The following TIAM2 variants were observed in gnomAD, a reference collection of about 807,000 sequenced individuals.
The protein encoded by TIAM2 is rho guanine nucleotide exchange factor TIAM2.
A neutral mutation model predicts 152.9 loss-of-function variants in TIAM2; 80 were observed. The ratio of observed to expected loss-of-function variants is 0.52; its 90% CI spans 0.44 to 0.63. The LOEUF is 0.63. Among genes scored for constraint, TIAM2 ranks in the 30% least tolerant of loss-of-function variants. The pLI is 0.00. For synonymous variants in TIAM2, 804 were observed against 838.0 expected, an observed-to-expected ratio of 0.96 and a Z score of 0.70; for missense variants, 1,965 against 2,120.1, an observed-to-expected ratio of 0.93 and a Z score of 1.44.
intron 1 of TIAM2, among the ~76,000 whole-genome samples, chr6:155,027,546 A>G (rs28837186): frequency 0.059 from 4,396 of 74,346 alleles, 345 homozygotes; most frequent in East Asian, 0.094. Flanking sequence ...TATAATATAT[A>G]TACTGTGTTA....
intron 1 of TIAM2, among the ~76,000 whole-genome samples, chr6:155,075,870 G>A (rs1010734218): frequency 6.6e-6 from 1 of 152,054 alleles, no homozygotes; most frequent in African/African-American, 2.4e-5. Flanking sequence ...TCCTTAATTC[G>A]TATGATTACC....
At position 155,214,990 on chromosome 6, in the gene TIAM2, C is replaced by T. The variant is rs1781817911; in HGVS notation, c.3168+3683C>T. Among the ~76,000 whole-genome samples the T allele has an allele frequency of 6.6e-6, 1 of 152,086 alleles. No individual in the cohort carries two copies. Among genetic ancestry groups the T allele is most frequent in the South Asian group, 2.1e-4 (1 of 4,822 alleles). ...AAATCCTCCTGAAACACTGATAGAGCAAGGCCATGTATTTAAAAGTTAAGT... is the reference window on the plus strand; with the variant it reads ...AAATCCTCCTGAAACACTGATAGAGTAAGGCCATGTATTTAAAAGTTAAGT... On this transcript the variant is annotated intron_variant, in intron 15 of 26. Coordinates refer to ENST00000682666, the MANE Select transcript of TIAM2 (RefSeq NM_012454.4). The surrounding 1 kb of genome is among the most constrained non-coding windows in gnomAD (Gnocchi z 5.4).
At chr6:155,206,188 T>C (rs1781589948) in intron 14 of TIAM2, among the ~76,000 whole-genome samples, 1 of 152,134 alleles carries the variant, frequency 6.6e-6, no homozygotes, top group South Asian at 2.1e-4. Flanking sequence ...TGTGCGGAAG[T>C]GTAGGGAGGC....
At chr6:155,253,167 C>T in intron 24 of TIAM2, 114 bp downstream of exon 24, 1 of 860,224 alleles carries the variant, frequency 1.2e-6, no homozygotes, top group South Asian at 1.6e-5. Flanking sequence ...ATTTTATAGA[C>T]AAGGAAAATG....
At chr6:155,071,179 A>G (rs960419280) in intron 1 of TIAM2, among the ~76,000 whole-genome samples, 1 of 119,128 alleles carries the variant, frequency 8.4e-6, no homozygotes, top group East Asian at 2.8e-4. Context: ...GTGTCAAAAA[A>G]AGAAAAAAAG....
intron 2 of TIAM2, among the ~76,000 whole-genome samples, chr6:155,096,732 A>G (rs1778426177): frequency 6.6e-6 from 1 of 151,808 alleles, no homozygotes; most frequent in Admixed American, 6.6e-5. Context: ...TATATACCAC[A>G]TTTTCTTGAC....
At position 155,254,010 on chromosome 6, in the gene TIAM2, GAA is replaced by G; in HGVS notation, c.4264_4265del (p.Lys1422ValfsTer17). ...NNSIWELIHT[K>X]SEIEGRPETI... ...ATTCCATATGGGAACTGATCCATACGAAGTCAGAAATAGAAGGACGGCCAGAA... is the reference window on the plus strand; with the variant it reads ...ATTCCATATGGGAACTGATCCATACGGTCAGAAATAGAAGGACGGCCAGAA... On this transcript the variant is annotated frameshift_variant, in exon 25 of 27. Coordinates refer to ENST00000682666, the MANE Select transcript of TIAM2 (RefSeq NM_012454.4). LOFTEE classifies it high-confidence loss of function. The G allele has an allele frequency of 1.9e-6, 3 of 1,614,090 alleles. No homozygotes were observed. Among genetic ancestry groups the G allele is most frequent in the Non-Finnish European group, 2.5e-6 (3 of 1,179,976 alleles).
In TIAM2 at chr6:155,137,587, G is replaced by A; in HGVS notation, c.1605G>A (p.Trp535Ter). The A allele has an allele frequency of 6.2e-7, 1 of 1,604,188 alleles. No homozygotes were observed. The highest frequency in any genetic ancestry group is 8.5e-7 in the Non-Finnish European group (1 of 1,178,642). The change falls in exon 5 of 27, where the codon TGG (tryptophan) becomes TGA (stop). Residue 535 changes from tryptophan to a stop codon, truncating the protein, a stop_gained. Transcript: ENST00000682666. LOFTEE classifies it high-confidence loss of function. ...TTGAGCTGGTGGCACGAAGGAAATG[G>A]AAACAGTACTGGGTAACGCTGAAAG... Reference protein sequence around the residue: ...RKLELVARRKWKQYWVTLKGC... With the variant: ...RKLELVARRK
chr6:155,139,962 AAC>A (rs1779653508), intron 5 of TIAM2, among the ~76,000 whole-genome samples: 1 of 151,844 alleles, frequency 6.6e-6, no homozygotes, highest in South Asian at 2.1e-4. Flanking sequence ...CAAACAAACA[AAC>A]CAAAACAAGT....
rs200982075 is a variant in TIAM2, at chr6:155,156,655, AAAAT to A, written c.2029-7740_2029-7737del. Among the ~76,000 whole-genome samples the A allele has an allele frequency of 3.3e-5, 5 of 152,124 alleles. No individual in the cohort carries two copies. The highest frequency in any genetic ancestry group is 1.9e-4 in the East Asian group (1 of 5,152). ...CCTGGGCAACAGAGTGATATGTCTC[AAAAT>A]AAATAAATAAATAAATAAAGTAAAA... On this transcript the variant is annotated intron_variant, in intron 7 of 26. Coordinates refer to ENST00000682666, the MANE Select transcript of TIAM2 (RefSeq NM_012454.4). This position sits in a 1 kb window ranked among gnomAD's most constrained non-coding sequence, Gnocchi z 4.4.
chr6:155,025,167 T>C (rs9480014), intron 1 of TIAM2, among the ~76,000 whole-genome samples: 30,853 of 150,246 alleles, frequency 0.21, 3,356 homozygotes, highest in Middle Eastern at 0.27. Flanking sequence ...GCTGGGATTA[T>C]AGGCACCACG....
chr6:155,102,609 G>T (rs1778576172), intron 2 of TIAM2, among the ~76,000 whole-genome samples: 1 of 152,064 alleles, frequency 6.6e-6, no homozygotes, highest in Non-Finnish European at 1.5e-5. Context: ...CTCTTCTCTG[G>T]ATAGGAACAG....
At chr6:155,069,693 C>T (rs1777790958) in intron 1 of TIAM2, among the ~76,000 whole-genome samples, 1 of 152,134 alleles carries the variant, frequency 6.6e-6, no homozygotes, top group South Asian at 2.1e-4. Context: ...TGCATAGCAG[C>T]TAAAATATAT....
intron 7 of TIAM2, among the ~76,000 whole-genome samples, chr6:155,163,668 C>T (rs777667062): frequency 6.6e-6 from 1 of 152,164 alleles, no homozygotes; most frequent in Non-Finnish European, 1.5e-5. Context: ...GTCATTTACT[C>T]AGAATGAACA....
intron 2 of TIAM2, among the ~76,000 whole-genome samples, chr6:155,126,024 A>G (rs1197727182): frequency 6.6e-6 from 1 of 152,214 alleles, no homozygotes; most frequent in African/African-American, 2.4e-5. Flanking sequence ...TTAAACACCC[A>G]TGGTCATAGC....
intron 1 of TIAM2, among the ~76,000 whole-genome samples, chr6:155,039,413 G>A (rs1018190809): frequency 2.0e-5 from 3 of 152,226 alleles, no homozygotes. Flanking sequence ...AATTTCTTGA[G>A]ATCTTGCATG....
intron 14 of TIAM2, among the ~76,000 whole-genome samples, chr6:155,184,234 C>A (rs1249003917): frequency 1.3e-5 from 2 of 152,160 alleles, no homozygotes; most frequent in East Asian, 3.9e-4. Context: ...GGTGATCTAC[C>A]CGCCTCGGTC....
intron 1 of TIAM2, among the ~76,000 whole-genome samples, chr6:155,083,860 C>G (rs987214130): frequency 6.6e-6 from 1 of 152,174 alleles, no homozygotes; most frequent in African/African-American, 2.4e-5. Context: ...AGATGACATA[C>G]GAAACCAGAT....
chr6:155,212,561 A>G (rs746547581), intron 15 of TIAM2, among the ~76,000 whole-genome samples: 4 of 152,250 alleles, frequency 2.6e-5, no homozygotes, highest in Non-Finnish European at 5.9e-5. Context: ...TGAAAGTTAT[A>G]AAGTGGAACG....
Sources: gnomAD v4.1 joint callset for allele counts (sites outside exome capture counted in the v4.1 genomes callset) on GRCh38, gnomAD v4.1.1 for gene constraint, Gnocchi (gnomAD v3.1) non-coding constraint, MANE v1.5 for transcripts, NCBI Gene and HGNC (gene_info 2026-07-23, HGNC 2026-07-21) for gene names.